The following ASCC3 variants were observed in gnomAD, a reference collection of about 807,000 sequenced individuals.
ASCC3 encodes ASC-1 complex subunit P200.
Under a neutral mutation model 256.3 loss-of-function variants are expected in ASCC3, and 158 were observed. The observed-to-expected ratio is 0.62, with a 90% CI of 0.54 to 0.70. The LOEUF (loss-of-function observed/expected upper bound fraction) is 0.70. Ranked by LOEUF, ASCC3 falls within the 30% of genes least tolerant of loss-of-function variation. The probability of loss-of-function intolerance (pLI) is 0.00; values close to 1 mark genes in which losing one functional copy is unlikely to be tolerated. For missense variants in ASCC3, 2,259 were observed against 2,626.0 expected, an observed-to-expected ratio of 0.86 and a Z score of 3.05; for synonymous variants, 948 against 883.4, an observed-to-expected ratio of 1.07 and a Z score of -1.30.
intron 4 of ASCC3, among the ~76,000 whole-genome samples, chr6:100,837,869 A>G (rs935294704): frequency 1.2e-4 from 18 of 152,092 alleles, no homozygotes; most frequent in Admixed American, 1.1e-3. Context: ...ATTTCAAAAA[A>G]GCTGGAAAAG....
chr6:100,634,334 A>T (rs1038337550), intron 25 of ASCC3, among the ~76,000 whole-genome samples: 3 of 152,146 alleles, frequency 2.0e-5, no homozygotes, highest in Non-Finnish European at 4.4e-5. Flanking sequence ...CGTATACAAC[A>T]CTAGAATTTA....
Position 100,647,392 on chromosome 6 carries a change from G to T in ASCC3, c.3312C>A (p.Thr1104=). The part of the protein sequence containing the change: ...FEIALRKRWP[T]MTYRLLNLSK... ...TAAGATTCAGGAGCCTGTAGGTCAT[G>T]GTAGGCCAACGTTTCCTCAGAGCAA... The change falls in exon 21 of 42, where the codon ACC becomes ACA. Residue 1104 remains threonine, a synonymous_variant. Coordinates refer to ENST00000369162, the MANE Select transcript of ASCC3 (RefSeq NM_006828.4). 1 of 1,614,014 alleles carries T rather than the reference G, an allele frequency of 6.2e-7. No individual in the cohort carries two copies. The highest frequency in any genetic ancestry group is 8.5e-7 in the Non-Finnish European group (1 of 1,179,962).
At chr6:100,856,622 T>C (rs1772955137) in intron 3 of ASCC3, 1 of 175,614 alleles carries the variant, frequency 5.7e-6, no homozygotes, top group East Asian at 1.9e-4. Context: ...CTCCCTCATA[T>C]TCACTCCTAG....
chr6:100,879,699 A>T (rs1769191218), intron 1 of ASCC3, among the ~76,000 whole-genome samples: 1 of 152,200 alleles, frequency 6.6e-6, no homozygotes, highest in South Asian at 2.1e-4. Flanking sequence ...AAACTGAGGT[A>T]GAACTGTGAA....
At chr6:100,773,139 T>C (rs1002199340) in intron 8 of ASCC3, among the ~76,000 whole-genome samples, 5 of 152,176 alleles carry the variant, frequency 3.3e-5, no homozygotes, top group Admixed American at 6.5e-5. Context: ...TTTGAAGTCA[T>C]ATAACTTCAA....
chr6:100,723,896 ATT>A lies in ASCC3; in HGVS notation c.1902+1641_1902+1642del, dbSNP rs1554220136. ...TATATATATATATATATATATATAT[ATT>A]TATAATTATATATATGACACATATA... On this transcript the variant is annotated intron_variant, in intron 11 of 41. Coordinates refer to ENST00000369162, the MANE Select transcript of ASCC3 (RefSeq NM_006828.4). Among the ~76,000 whole-genome samples, 273 of 123,092 alleles carry A rather than the reference ATT, an allele frequency of 2.2e-3. 5 individuals carry two copies. Among genetic ancestry groups the A allele is most frequent in the African/African-American group, 6.6e-3 (226 of 34,300 alleles). The allele number at this position is 123,092 out of a possible 152,430, so 80.8% of individuals were successfully genotyped here. A position where few individuals can be genotyped will look rare whatever the true frequency, so the allele number is the denominator to read the frequency against.
chr6:100,688,350 T>A (rs1428334324), intron 13 of ASCC3, among the ~76,000 whole-genome samples: 1 of 152,108 alleles, frequency 6.6e-6, no homozygotes, highest in East Asian at 1.9e-4. Flanking sequence ...TATGTATATC[T>A]GAGTAAACTG....
chr6:100,603,509 A>T (rs1479488220), intron 33 of ASCC3, among the ~76,000 whole-genome samples: 1 of 152,030 alleles, frequency 6.6e-6, no homozygotes, highest in East Asian at 1.9e-4. Flanking sequence ...GTGACAGCAA[A>T]ATCCCTCTAT....
rs1773562579 is a variant in ASCC3 at position 100,868,058 on chromosome 6, T to C, written c.-41-20A>G. 7.6e-7 allele frequency: 1 copy of C among 1,312,880 alleles called. No individual in the cohort carries two copies. Among genetic ancestry groups the C allele is most frequent in the Admixed American group, 1.8e-5 (1 of 56,506 alleles). 81.3% of individuals were successfully genotyped at this position (1,312,880 alleles called of 1,614,324 possible). ...CTGAAACTGAAACAAAACAAGATGA[T>C]ATTTATCTGTTCGGAAGAGGTGGCA... On this transcript the variant is annotated intron_variant, in intron 1 of 41. Transcript: ENST00000369162.
intron 36 of ASCC3, among the ~76,000 whole-genome samples, chr6:100,555,670 C>A (rs929848582): frequency 2.6e-5 from 4 of 152,094 alleles, no homozygotes; most frequent in Non-Finnish European, 5.9e-5. Flanking sequence ...GTTTTAAAGG[C>A]TACAATAAAA....
At position 100,541,118 on chromosome 6, in the gene ASCC3, A is replaced by G. The variant is rs187133777; in HGVS notation, c.5551-731T>C. ...TGTTAAAAAATAGACTGATCTATTT[A>G]TTAGCGTTTGTTGTGAAACAAACAT... On this transcript the variant is annotated intron_variant, in intron 36 of 41. Transcript: ENST00000369162. Among the ~76,000 whole-genome samples, 327 of 152,236 alleles carry G rather than the reference A, an allele frequency of 2.1e-3. 2 individuals are homozygous for G. Among genetic ancestry groups the G allele is most frequent in the South Asian group, 0.011 (53 of 4,820 alleles).
intron 14 of ASCC3, among the ~76,000 whole-genome samples, chr6:100,675,044 G>C (rs1416492630): frequency 6.6e-6 from 1 of 151,680 alleles, no homozygotes; most frequent in African/African-American, 2.4e-5. Flanking sequence ...GGTTTGCTTA[G>C]ATCCAAAGTT....
intron 37 of ASCC3, among the ~76,000 whole-genome samples, chr6:100,532,878 A>T (rs528143339): frequency 6.6e-6 from 1 of 152,292 alleles, no homozygotes; most frequent in East Asian, 1.9e-4. Context: ...TAAAAGAAAA[A>T]GGAAAAAGAA....
At chr6:100,534,233 TCCTGTTG>T (rs1447824509) in intron 37 of ASCC3, among the ~76,000 whole-genome samples, 2 of 152,110 alleles carry the variant, frequency 1.3e-5, no homozygotes, top group Non-Finnish European at 2.9e-5. Flanking sequence ...CAGAGCAAGA[TCCTGTTG>T]CCCAGGCAAA....
At chr6:100,637,096 G>A (rs373613090) in intron 25 of ASCC3, among the ~76,000 whole-genome samples, 42 of 152,296 alleles carry the variant, frequency 2.8e-4, no homozygotes, top group Middle Eastern at 3.4e-3. Flanking sequence ...GACTTTCACA[G>A]GTAGAGAGGA....
Position 100,596,228 on chromosome 6 carries a change from G to A in ASCC3, c.5303+5582C>T, listed in dbSNP as rs139369291. On this transcript the variant is annotated intron_variant, in intron 34 of 41. Transcript: ENST00000369162. ...AGCCTTATGATCTCTATGTTGAGAT[G>A]TTCTTTGGGGTCTACTTCATAGTAA... 5.3e-5 allele frequency among the ~76,000 whole-genome samples: 8 copies of A among 152,184 alleles called. No homozygotes were observed. In the East Asian group the frequency reaches 1.5e-3, roughly 29 times the overall value.
At chr6:100,531,039 G>C (rs1179999257) in intron 37 of ASCC3, 25 of 1,580,504 alleles carry the variant, frequency 1.6e-5, no homozygotes, top group Non-Finnish European at 2.2e-5. Context: ...GGGACAAAAA[G>C]TACAACAGTG....
intron 36 of ASCC3, among the ~76,000 whole-genome samples, chr6:100,582,750 A>T (rs940889225): frequency 2.6e-5 from 4 of 152,052 alleles, no homozygotes; most frequent in African/African-American, 9.7e-5. Context: ...TATTATTTTG[A>T]GATATGCCCC....
intron 20 of ASCC3, among the ~76,000 whole-genome samples, chr6:100,647,786 G>C (rs1775456687): frequency 6.6e-6 from 1 of 152,028 alleles, no homozygotes. Flanking sequence ...CTGACTATAA[G>C]AGACAAGGAC....
Sources: gnomAD v4.1 joint callset for allele counts (sites outside exome capture counted in the v4.1 genomes callset) on GRCh38, gnomAD v4.1.1 for gene constraint, MANE v1.5 for transcripts, NCBI Gene and HGNC (gene_info 2026-07-23, HGNC 2026-07-21) for gene names.